STK11IP: variants seen among roughly 807,000 people sequenced by gnomAD.
STK11IP encodes serine/threonine-protein kinase 11-interacting protein.
STK11IP carries 103 observed loss-of-function variants against 131.7 expected under a neutral mutation model. That is an observed-to-expected ratio of 0.78 (90% confidence interval 0.67 to 0.92). The LOEUF is 0.92. Ranked by LOEUF, STK11IP falls within the 40% of genes least tolerant of loss-of-function variation. STK11IP has a pLI of 0.00. For missense variants in STK11IP, 1,315 were observed against 1,385.7 expected (o/e 0.95, Z 0.81); for synonymous variants, 557 against 575.6 (o/e 0.97, Z 0.46).
Position 219,608,589 on chromosome 2 carries a change from T to A in STK11IP, c.1610T>A (p.Leu537His), listed in dbSNP as rs953523382. 6.3e-7 allele frequency: 1 copy of A among 1,592,680 alleles called. No homozygotes were observed. Among genetic ancestry groups the A allele is most frequent in the East Asian group, 2.2e-5 (1 of 44,514 alleles). The change falls in exon 15 of 25, where the codon CTC becomes CAC. Residue 537 changes from leucine to histidine, a missense_variant. Leu to His is a moderately conservative substitution (Grantham distance 99). Transcript: ENST00000456909. ...EQDQKEVEAE[L>H]CRPLLVCPLE... ...TCTCTTGGTCTCTCCACAGCGGAAC[T>A]CTGTCGCCCCTTGTTGGTGTGTCCC...
At chr2:219,610,862 T>C (rs674262) in intron 17 of STK11IP, among the ~76,000 whole-genome samples, 133,660 of 152,194 alleles carry the variant, frequency 0.88, 61,267 homozygotes, top group East Asian at 1. Flanking sequence ...GCTGCCGTTG[T>C]CCCCAGCTGT....
chr2:219,616,252 C>T lies in STK11IP; in HGVS notation c.*59C>T. 2 of 1,551,880 alleles carry T rather than the reference C, an allele frequency of 1.3e-6. No homozygotes were observed. Among genetic ancestry groups the T allele is most frequent in the Non-Finnish European group, 1.7e-6 (2 of 1,146,594 alleles). On this transcript the variant is annotated 3_prime_UTR_variant, in exon 25 of 25. Coordinates refer to ENST00000456909, the MANE Select transcript of STK11IP (RefSeq NM_052902.4). ...AGCCACGCTGTAGACATTCCCTCTC[C>T]TGGTCTCTGGGTCTGGCTTCCAGGC...
chr2:219,600,047 T>G (rs1347784580), intron 2 of STK11IP, among the ~76,000 whole-genome samples: 20 of 139,266 alleles, frequency 1.4e-4, no homozygotes, highest in East Asian at 2.1e-4. Flanking sequence ...TTGTGTTTTT[T>G]TTTTTGTTTT....
Position 219,606,844 on chromosome 2 carries a change from C to T in STK11IP, c.1120C>T (p.Leu374Phe). The T allele has an allele frequency of 6.2e-7, 1 of 1,611,734 alleles. No individual in the cohort carries two copies. Among genetic ancestry groups the T allele is most frequent in the Middle Eastern group, 1.7e-4 (1 of 6,042 alleles). ...AGGGGGTGTTGTGACCCAGCCCCTG[C>T]TTCATAAGGTTAAGGTAAGCAGCGT... ...SSGGVVTQPL[L>F]HKVKSRVRVR... Residue 374 changes from leucine (L) to phenylalanine (F), a missense_variant, in exon 12 of 25, where the codon CTT (leucine) becomes TTT (phenylalanine). Leu to Phe is a conservative substitution (Grantham distance 22). Transcript: ENST00000456909.
At position 219,615,152 on chromosome 2, in the gene STK11IP, T is replaced by G. The variant is rs1381055492; in HGVS notation, c.2928T>G (p.Asp976Glu). 3.7e-6 allele frequency: 6 copies of G among 1,606,914 alleles called. No individual in the cohort carries two copies. In the Admixed American group the frequency reaches 1.0e-4, roughly 27 times the overall value. ...LLTPSTLFLL[D>E]EDAAGSPAEP... is the part of the protein sequence containing the mutation. ...CTCCGTCCACCCTGTTCCTGTTAGA[T>G]GAGGATGCTGCAGGGTCCCCGGCAG... is the stretch of plus-strand genomic sequence containing the variant. Residue 976 changes from aspartate (D) to glutamate (E), a missense_variant, in exon 24 of 25, where the codon GAT (aspartate) becomes GAG (glutamate). Physicochemically the swap from Asp to Glu is conservative, Grantham distance 45. Coordinates refer to ENST00000456909, the MANE Select transcript of STK11IP (RefSeq NM_052902.4).
intron 3 of STK11IP, 55 bp downstream of exon 3, chr2:219,601,495 A>C (rs896825651): frequency 1.9e-6 from 3 of 1,591,652 alleles, no homozygotes; most frequent in Admixed American, 1.8e-5. Flanking sequence ...GAATGATGGA[A>C]GTTGGGGATA....
intron 21 of STK11IP, 60 bp from the exon 22 acceptor site, chr2:219,614,101 G>A (rs1159829984): frequency 1.3e-6 from 2 of 1,590,882 alleles, no homozygotes; most frequent in Non-Finnish European, 1.7e-6. Context: ...TTGAGAGGTG[G>A]TGAGTTTAGG....
chr2:219,607,998 C>T, intron 13 of STK11IP, 49 bp from the exon 14 acceptor site: 3 of 1,573,996 alleles, frequency 1.9e-6, no homozygotes, highest in Non-Finnish European at 2.6e-6. Flanking sequence ...GATTTGGGGC[C>T]ATCTGTGTGG....
Position 219,616,089 on chromosome 2 carries a change from G to A in STK11IP, c.3163G>A (p.Glu1055Lys). The change falls in exon 25 of 25, where the codon GAG becomes AAG. Residue 1055 changes from glutamate (E) to lysine (K), a missense_variant. Glu to Lys is a moderately conservative substitution (Grantham distance 56, BLOSUM62 1). Coordinates refer to ENST00000456909, the MANE Select transcript of STK11IP (RefSeq NM_052902.4). ...TTGGGCACTCCGTGTGGTGTGTCAGGAGCAGCTGACAGCCCTGCTTGCCTG... is the reference window on the plus strand; with the variant it reads ...TTGGGCACTCCGTGTGGTGTGTCAGAAGCAGCTGACAGCCCTGCTTGCCTG... ...SFWALRVVCQ[E>K]QLTALLAWIR... 1 of 1,613,898 alleles carries A rather than the reference G, an allele frequency of 6.2e-7. No individual in the cohort carries two copies.
At chr2:219,606,994 G>A (rs570731375) in intron 12 of STK11IP, 59 bp from the exon 13 acceptor site, 7 of 1,605,666 alleles carry the variant, frequency 4.4e-6, no homozygotes, top group African/African-American at 2.7e-5. Flanking sequence ...ATGGCCAGCC[G>A]TGGATGGCAG....
At chr2:219,612,547 C>T (rs1409279971) in intron 19 of STK11IP, among the ~76,000 whole-genome samples, 1 of 152,176 alleles carries the variant, frequency 6.6e-6, no homozygotes, top group Non-Finnish European at 1.5e-5. Flanking sequence ...GGTCAAGGAA[C>T]CTTCCTGGGA....
chr2:219,605,434 C>T (rs1317445644), intron 7 of STK11IP, 174 bp from the exon 8 acceptor site: 4 of 629,076 alleles, frequency 6.4e-6, no homozygotes, highest in Non-Finnish European at 1.1e-5. Context: ...AGGAACAGTG[C>T]TGGTGTTGTT....
rs1383861853 is a variant in STK11IP, at chr2:219,605,728, C to A, written c.739C>A (p.Leu247Met). 14 of 1,596,898 alleles carry A rather than the reference C, an allele frequency of 8.8e-6. No individual in the cohort carries two copies. The highest frequency in any genetic ancestry group is 3.5e-5 in the Admixed American group (2 of 56,852). Residue 247 changes from leucine to methionine, a missense_variant, in exon 8 of 25, where the codon CTG becomes ATG. Leu to Met is a conservative substitution (Grantham distance 15). Coordinates refer to ENST00000456909, the MANE Select transcript of STK11IP (RefSeq NM_052902.4). ...ACTGCGAGGCAATGAGCTTCGGAGCCTGCATGGTGAGTGGGGGTGTGTGAT... is the reference window on the plus strand; with the variant it reads ...ACTGCGAGGCAATGAGCTTCGGAGCATGCATGGTGAGTGGGGGTGTGTGAT... ...LILRGNELRS[L>M]HGLEQLRNLR...
intron 15 of STK11IP, 117 bp from the exon 16 acceptor site, chr2:219,608,980 A>C: frequency 9.6e-7 from 1 of 1,045,338 alleles, no homozygotes; most frequent in African/African-American, 1.6e-5. Context: ...CTTGGACGTC[A>C]GTACAGGCCT....
In STK11IP at chr2:219,616,372, A is replaced by AG. The variant is rs1491516041; in HGVS notation, c.*183dup. 1.3e-6 allele frequency: 1 copy of AG among 751,460 alleles called. No individual in the cohort carries two copies. The highest frequency in any genetic ancestry group is 1.8e-5 in the African/African-American group (1 of 56,920). 46.5% of individuals were successfully genotyped at this position (751,460 alleles called of 1,614,324 possible). A position where few individuals can be genotyped will look rare whatever the true frequency, so the allele number is the denominator to read the frequency against. On this transcript the variant is annotated 3_prime_UTR_variant, in exon 25 of 25. Coordinates refer to ENST00000456909, the MANE Select transcript of STK11IP (RefSeq NM_052902.4). ...AGAGGCGAGAGAATGATCTGGCCTCAGGGGACAGGCCACCTGGTCAGGAGG... is the reference window on the plus strand; with the variant it reads ...AGAGGCGAGAGAATGATCTGGCCTCAGGGGGACAGGCCACCTGGTCAGGAGG...
intron 24 of STK11IP, 90 bp from the exon 25 acceptor site, chr2:219,615,954 G>C: frequency 1.3e-6 from 2 of 1,531,594 alleles, no homozygotes; most frequent in Non-Finnish European, 1.8e-6. Context: ...AGCCAAGGTG[G>C]AGACAGTGAG....
chr2:219,611,144 A>C (rs1698383847), intron 17 of STK11IP, among the ~76,000 whole-genome samples: 1 of 152,182 alleles, frequency 6.6e-6, no homozygotes, highest in East Asian at 1.9e-4. Context: ...CAGAGCTTAG[A>C]TGACTTGCCC....
intron 2 of STK11IP, among the ~76,000 whole-genome samples, chr2:219,600,418 T>G (rs932265520): frequency 6.6e-6 from 1 of 152,184 alleles, no homozygotes; most frequent in Non-Finnish European, 1.5e-5. Context: ...GACTTTGATA[T>G]TGTACTATAG....
chr2:219,608,338 A>G lies in STK11IP; in HGVS notation c.1511A>G (p.Lys504Arg). 6.3e-7 allele frequency: 1 copy of G among 1,587,874 alleles called. No homozygotes were observed. Among genetic ancestry groups the G allele is most frequent in the Non-Finnish European group, 8.6e-7 (1 of 1,167,094 alleles). Residue 504 changes from lysine (K) to arginine (R), a missense_variant, in exon 14 of 25, where the codon AAG becomes AGG. Coordinates refer to ENST00000456909, the MANE Select transcript of STK11IP (RefSeq NM_052902.4). ...PQEEEEEKEGKEEKEEGEMVE... is the reference protein window; with the variant it reads ...PQEEEEEKEGREEKEEGEMVE... ...GAGGAGGAAGAGGAGAAGGAGGGGA[A>G]GGAGGAGAAGGAGGAGGGGGAGATG...
Sources: gnomAD v4.1 joint callset for allele counts (sites outside exome capture counted in the v4.1 genomes callset) on GRCh38, gnomAD v4.1.1 for gene constraint, MANE v1.5 for transcripts, NCBI Gene and HGNC (gene_info 2026-07-23, HGNC 2026-07-21) for gene names.